The following CCNH variants were observed in gnomAD, a reference collection of about 807,000 sequenced individuals.
The protein encoded by CCNH is cyclin H, also known as cyclin-H.
Under a neutral mutation model 41.9 loss-of-function variants are expected in CCNH, and 31 were observed. That is an observed-to-expected ratio of 0.74 (90% confidence interval 0.56 to 1.00). The LOEUF (loss-of-function observed/expected upper bound fraction) is 1.00. Among genes scored for constraint, CCNH ranks in the 50% least tolerant of loss-of-function variants. CCNH has a pLI of 0.00. For synonymous variants in CCNH, 138 were observed against 136.1 expected (o/e 1.01, Z -0.10); for missense variants, 362 against 388.4 (o/e 0.93, Z 0.57).
At position 87,348,662 on chromosome 5, in the gene CCNH, G is replaced by T. The variant is rs116662101; in HGVS notation, c.*91-29765C>A. On this transcript the variant is annotated intron_variant and NMD_transcript_variant, in intron 9 of 9. Transcript: ENST00000645953. Reference sequence around the variant, plus strand: ...TTAATTTTTTTTTTTTTAAGATGCAGGATCTTGCTGTGTTGTCCAGGCTGG... The same window carrying T: ...TTAATTTTTTTTTTTTTAAGATGCATGATCTTGCTGTGTTGTCCAGGCTGG... 6.7e-3 allele frequency among the ~76,000 whole-genome samples: 1,014 copies of T among 151,066 alleles called. 14 individuals are homozygous for T. The highest frequency in any genetic ancestry group is 0.024 in the African/African-American group (995 of 41,194).
At chr5:87,335,183 A>G (rs897509625) in intron 9 of CCNH, among the ~76,000 whole-genome samples, 2 of 152,074 alleles carry the variant, frequency 1.3e-5, no homozygotes, top group Non-Finnish European at 2.9e-5. Flanking sequence ...CACCTGGCTT[A>G]GCTGTTACTT....
At chr5:87,346,925 C>T (rs1301666583) in intron 9 of CCNH, among the ~76,000 whole-genome samples, 1 of 151,822 alleles carries the variant, frequency 6.6e-6, no homozygotes, top group African/African-American at 2.4e-5. Flanking sequence ...GTGTGTTTTT[C>T]TTTTACCCCA....
intron 9 of CCNH, among the ~76,000 whole-genome samples, chr5:87,338,606 A>C (rs1758204290): frequency 6.8e-6 from 1 of 147,142 alleles, no homozygotes; most frequent in Non-Finnish European, 1.5e-5. Context: ...GCCTGACCTC[A>C]AGTGTTCCAC....
At chr5:87,392,827 T>G (rs575481425), downstream of CCNH, 1 of 154,568 alleles carries the variant, frequency 6.5e-6, no homozygotes, top group Non-Finnish European at 1.4e-5. Flanking sequence ...TCTCACACTT[T>G]AACGTTTTTA....
At chr5:87,327,166 A>G (rs1203712684) in intron 9 of CCNH, among the ~76,000 whole-genome samples, 4 of 152,202 alleles carry the variant, frequency 2.6e-5, no homozygotes, top group Non-Finnish European at 5.9e-5. Context: ...TAATAATAAT[A>G]TTAAGCCAAC....
In CCNH at chr5:87,364,903, G is replaced by A. The variant is rs1424086973; in HGVS notation, c.*90+27867C>T. On this transcript the variant is annotated intron_variant and NMD_transcript_variant, in intron 9 of 9. Coordinates refer to the CCNH transcript ENST00000645953. Reference sequence around the variant, plus strand: ...CCTGATAGAATGAGGAGACCCTTTTGTGCCTAGATCTGTTGCTGGAAATGA... The same window carrying A: ...CCTGATAGAATGAGGAGACCCTTTTATGCCTAGATCTGTTGCTGGAAATGA... Among the ~76,000 whole-genome samples the A allele has an allele frequency of 2.0e-5, 3 of 152,280 alleles. 1 individual carries two copies. Among genetic ancestry groups the A allele is most frequent in the Admixed American group, 2.0e-4 (3 of 15,284 alleles).
chr5:87,395,159 A>C (rs1762837965), intron 7 of CCNH, 55 bp from the exon 8 acceptor site: 1 of 1,504,544 alleles, frequency 6.6e-7, no homozygotes, highest in Non-Finnish European at 9.1e-7. Context: ...GAAACTATAA[A>C]ATGTAAAATA....
downstream of CCNH, chr5:87,391,701 T>A (rs192141756): frequency 4.3e-6 from 1 of 233,020 alleles, no homozygotes; most frequent in Non-Finnish European, 8.5e-6. Context: ...ACTAGAATGC[T>A]TTTGTTAAAA....
At chr5:87,405,579 T>C (rs1003007838) in intron 4 of CCNH, among the ~76,000 whole-genome samples, 1 of 152,114 alleles carries the variant, frequency 6.6e-6, no homozygotes, top group African/African-American at 2.4e-5. Flanking sequence ...TTCTACACTC[T>C]GAAACAAAAT....
At chr5:87,366,451 G>A (rs896420798) in intron 9 of CCNH, 7 of 332,944 alleles carry the variant, frequency 2.1e-5, no homozygotes, top group Non-Finnish European at 6.2e-6. Context: ...AGAAGGATCA[G>A]ATCCTTGAAG....
chr5:87,315,455 A>C (rs543677335), downstream of CCNH, among the ~76,000 whole-genome samples: 73 of 152,320 alleles, frequency 4.8e-4, 1 homozygote, highest in South Asian at 0.014. Context: ...GGTAGGCCTC[A>C]CAAAGGCCCT....
intron 9 of CCNH, among the ~76,000 whole-genome samples, chr5:87,359,512 T>G (rs1759913841): frequency 6.6e-6 from 1 of 152,152 alleles, no homozygotes; most frequent in African/African-American, 2.4e-5. Context: ...TCTATATAGA[T>G]TCCAAGATCT....
At chr5:87,326,419 A>T (rs1483973556) in intron 9 of CCNH, among the ~76,000 whole-genome samples, 2 of 152,184 alleles carry the variant, frequency 1.3e-5, no homozygotes, top group Non-Finnish European at 2.9e-5. Flanking sequence ...TTTCTAAAAA[A>T]ATGAAATTAA....
intron 9 of CCNH, among the ~76,000 whole-genome samples, chr5:87,384,245 C>G (rs76205670): frequency 0.013 from 2,001 of 152,170 alleles, 33 homozygotes; most frequent in African/African-American, 0.045. Context: ...TTTTTAAAGT[C>G]ACCAGTTATA....
At chr5:87,313,190 G>C in the CCNH span, among the ~76,000 whole-genome samples, 1 of 152,186 alleles carries the variant, frequency 6.6e-6, no homozygotes, top group African/African-American at 2.4e-5. Context: ...GTGATCAAAT[G>C]GCATTTTATA....
chr5:87,317,312 A>G (rs921758871), downstream of CCNH, among the ~76,000 whole-genome samples: 2 of 152,004 alleles, frequency 1.3e-5, no homozygotes, highest in African/African-American at 4.8e-5. Context: ...ATTTTACCAC[A>G]CTGCTTAAGG....
At chr5:87,342,385 C>T (rs1758537326) in intron 9 of CCNH, among the ~76,000 whole-genome samples, 1 of 152,118 alleles carries the variant, frequency 6.6e-6, no homozygotes, top group African/African-American at 2.4e-5. Context: ...TCTTGAACTC[C>T]TGACCTCAAG....
At chr5:87,324,887 C>G (rs1757108903) in intron 9 of CCNH, among the ~76,000 whole-genome samples, 1 of 152,084 alleles carries the variant, frequency 6.6e-6, no homozygotes, top group Non-Finnish European at 1.5e-5. Context: ...AGTAAAGTCA[C>G]TTAGTATGAG....
chr5:87,369,939 G>GT, intron 9 of CCNH: 1 of 1,491,732 alleles, frequency 6.7e-7, no homozygotes, highest in Non-Finnish European at 9.3e-7. Flanking sequence ...ATACTTTTAT[G>GT]TTAGCCCATG....
Sources: gnomAD v4.1 joint callset for allele counts (sites outside exome capture counted in the v4.1 genomes callset) on GRCh38, gnomAD v4.1.1 for gene constraint, MANE v1.5 for transcripts, NCBI Gene and HGNC (gene_info 2026-07-23, HGNC 2026-07-21) for gene names.